Variants in SFMBT1 observed in about 807,000 individuals in gnomAD.
SFMBT1 encodes the protein scm-like with four MBT domains protein 1.
A neutral mutation model predicts 108.7 loss-of-function variants in SFMBT1; 32 were observed. The observed-to-expected ratio is 0.29, with a 90% CI of 0.22 to 0.40. SFMBT1 has a LOEUF of 0.40. Ranked by LOEUF, SFMBT1 falls within the 10% of genes least tolerant of loss-of-function variation. The pLI is 1.00. For missense variants in SFMBT1, 816 were observed against 1,059.6 expected, an observed-to-expected ratio of 0.77 and a Z score of 3.19; for synonymous variants, 348 against 369.5, an observed-to-expected ratio of 0.94 and a Z score of 0.67.
chr3:53,022,749 G>C (rs908677247), intron 1 of SFMBT1, among the ~76,000 whole-genome samples: 3 of 152,108 alleles, frequency 2.0e-5, no homozygotes, highest in African/African-American at 7.2e-5. Context: ...TGGTTACCTG[G>C]AGCGGGGTGG....
chr3:53,008,765 G>C (rs1698838793), intron 1 of SFMBT1, among the ~76,000 whole-genome samples: 1 of 151,058 alleles, frequency 6.6e-6, no homozygotes, highest in African/African-American at 2.5e-5. Flanking sequence ...CTCCCGAGTA[G>C]CTGGGACTAC....
chr3:53,021,244 A>G (rs1210978663), intron 1 of SFMBT1, among the ~76,000 whole-genome samples: 1 of 152,252 alleles, frequency 6.6e-6, no homozygotes, highest in Non-Finnish European at 1.5e-5. Flanking sequence ...AGTAACTAGT[A>G]TGTACCTAAA....
At chr3:53,039,988 G>T (rs1052913002) in intron 1 of SFMBT1, among the ~76,000 whole-genome samples, 1 of 152,084 alleles carries the variant, frequency 6.6e-6, no homozygotes, top group African/African-American at 2.4e-5. Context: ...CTCCAAGAGG[G>T]TTATTTTATG....
chr3:53,022,925 C>T (rs2106945425), intron 1 of SFMBT1, among the ~76,000 whole-genome samples: 1 of 152,282 alleles, frequency 6.6e-6, no homozygotes, highest in African/African-American at 2.4e-5. Flanking sequence ...TTTATGAATG[C>T]ATTTAATACC....
At chr3:52,978,080 T>C (rs1160035637) in intron 1 of SFMBT1, among the ~76,000 whole-genome samples, 2 of 152,200 alleles carry the variant, frequency 1.3e-5, no homozygotes, top group East Asian at 3.9e-4. Flanking sequence ...TATATTTTAG[T>C]GTAAGGAAGA....
chr3:53,034,130 A>ACTT (rs144623389), intron 1 of SFMBT1, among the ~76,000 whole-genome samples: 11,211 of 151,248 alleles, frequency 0.074, 1,153 homozygotes, highest in African/African-American at 0.22. Context: ...ATTATCAGGT[A>ACTT]CTTCTTTTTA....
At chr3:52,974,396 T>C (rs1704445143) in intron 1 of SFMBT1, among the ~76,000 whole-genome samples, 1 of 152,186 alleles carries the variant, frequency 6.6e-6, no homozygotes, top group Non-Finnish European at 1.5e-5. Flanking sequence ...CACCTTATAT[T>C]TCCTGTTCCC....
chr3:52,928,237 A>G lies in SFMBT1; in HGVS notation c.1002T>C (p.Pro334=). 1 of 1,614,070 alleles carries G rather than the reference A, an allele frequency of 6.2e-7. No homozygotes were observed. The highest frequency in any genetic ancestry group is 8.5e-7 in the Non-Finnish European group (1 of 1,179,996). The change falls in exon 9 of 21, where the codon CCT becomes CCC. Residue 334 remains proline, a synonymous_variant. Coordinates refer to ENST00000394752, the MANE Select transcript of SFMBT1 (RefSeq NM_016329.4). ...VCHADSPGIF[P]VQWSLKNGLH... Reference sequence around the variant, plus strand: ...GGCCATTCTTCAGACTCCACTGCACAGGGAAGATGCCAGGACTGTCGGCGT... The same window carrying G: ...GGCCATTCTTCAGACTCCACTGCACGGGGAAGATGCCAGGACTGTCGGCGT...
rs773778376 is a variant in SFMBT1 at position 52,954,375 on chromosome 3, C to A, written c.65G>T (p.Trp22Leu). The A allele has an allele frequency of 2.5e-6, 4 of 1,613,820 alleles. No individual in the cohort carries two copies. In the South Asian group the frequency reaches 4.4e-5, roughly 18 times the overall value. ...CCCTGTTTCTTCTAGATAATCTTCC[C>A]AGCTTAATTCTACCTCTTCCATACC... ...GSGMEEVELS[W>L]EDYLEETGST... Residue 22 changes from tryptophan to leucine, a missense_variant, in exon 3 of 21, where the codon TGG becomes TTG. This residue lies in a region of SFMBT1 where 495 missense variants were observed against 607.4 expected (regional missense o/e 0.81). Transcript: ENST00000394752.
intron 17 of SFMBT1, among the ~76,000 whole-genome samples, chr3:52,909,282 G>A (rs945441569): frequency 1.3e-5 from 2 of 152,172 alleles, no homozygotes; most frequent in Non-Finnish European, 2.9e-5. Flanking sequence ...TCAGAGTAGT[G>A]TGCTTATATA....
At chr3:52,929,332 C>A (rs533015690) in intron 8 of SFMBT1, among the ~76,000 whole-genome samples, 1 of 152,062 alleles carries the variant, frequency 6.6e-6, no homozygotes, top group Non-Finnish European at 1.5e-5. Flanking sequence ...CTCCGCCTCC[C>A]GGGTTCAAGC....
intron 6 of SFMBT1, 113 bp downstream of exon 6, chr3:52,931,949 A>G (rs139486441): frequency 1.6e-6 from 2 of 1,229,180 alleles, no homozygotes; most frequent in East Asian, 5.0e-5. Context: ...TAGCTCTATT[A>G]TGAGAACTAA....
At position 52,999,234 on chromosome 3, in the gene SFMBT1, G is replaced by A. The variant is rs747809416; in HGVS notation, c.-130-29976C>T. ...CTGGCTGCTGGGTCAAGGCGTTCCC[G>A]GGGTGAAGGTGGATAAGCAGACCAC... On this transcript the variant is annotated intron_variant, in intron 1 of 20. Coordinates refer to ENST00000394752, the MANE Select transcript of SFMBT1 (RefSeq NM_016329.4). Among the ~76,000 whole-genome samples the A allele has an allele frequency of 8.6e-5, 13 of 150,752 alleles. 1 individual carries two copies. The highest frequency in any genetic ancestry group is 2.7e-4 in the Admixed American group (4 of 15,048).
Position 52,928,318 on chromosome 3 carries a change from C to G in SFMBT1, c.921G>C (p.Leu307=). ...VVKVFDEKYF[L]VEMDDLRPEN... ...CAGGACGCAAGTCATCCATTTCCAC[C>G]AGAAAGTACTTCTCATCAAAAACCT... The change falls in exon 9 of 21, where the codon CTG becomes CTC. Residue 307 remains leucine, a synonymous_variant. Coordinates refer to ENST00000394752, the MANE Select transcript of SFMBT1 (RefSeq NM_016329.4). The G allele has an allele frequency of 6.2e-7, 1 of 1,613,904 alleles. No individual in the cohort carries two copies. Among genetic ancestry groups the G allele is most frequent in the Non-Finnish European group, 8.5e-7 (1 of 1,179,998 alleles).
rs1317718881 is a variant in SFMBT1 at position 52,918,529 on chromosome 3, G to A, written c.1373-3C>T. 1.3e-6 allele frequency: 2 copies of A among 1,521,532 alleles called. No homozygotes were observed. The highest frequency in any genetic ancestry group is 1.8e-6 in the Non-Finnish European group (2 of 1,136,634). 94.3% of individuals were successfully genotyped at this position (1,521,532 alleles called of 1,614,324 possible). ...TGCAATTTTCCTCTGTTTATATACT[G>A]TAGAAAGAAAAAAATATATAAATGC... On this transcript the variant is annotated splice_region_variant and splice_polypyrimidine_tract_variant and intron_variant, in intron 12 of 20. Coordinates refer to ENST00000394752, the MANE Select transcript of SFMBT1 (RefSeq NM_016329.4).
chr3:53,001,468 C>T (rs1698545189), intron 1 of SFMBT1, among the ~76,000 whole-genome samples: 1 of 149,974 alleles, frequency 6.7e-6, no homozygotes, highest in Admixed American at 6.8e-5. Context: ...ATTATTCTTA[C>T]ATCCTCAGGT....
chr3:52,988,402 T>C (rs1705004251), intron 1 of SFMBT1, among the ~76,000 whole-genome samples: 1 of 152,142 alleles, frequency 6.6e-6, no homozygotes, highest in Admixed American at 6.5e-5. Context: ...CAGGCAACCA[T>C]ACAGGTCAGT....
At chr3:52,948,825 A>ATTTTTTTTTTTTTTTT (rs71615878) in intron 3 of SFMBT1, among the ~76,000 whole-genome samples, 1,030 of 78,270 alleles carry the variant, frequency 0.013, 84 homozygotes, top group Non-Finnish European at 0.019. Context: ...CTAATTTTTA[A>ATTTTTTTTTTTTTTTT]TTTTTTTTTT....
rs541647513 is a variant in SFMBT1 at position 52,950,920 on chromosome 3, C to T, written c.123+3397G>A. On this transcript the variant is annotated intron_variant, in intron 3 of 20. Transcript: ENST00000394752. Reference sequence around the variant, plus strand: ...CTTGAGGCAAGGAGTTCAAAACCAGCCTGGGCAACATAGCAAGACCCATCT... The same window carrying T: ...CTTGAGGCAAGGAGTTCAAAACCAGTCTGGGCAACATAGCAAGACCCATCT... 3.3e-5 allele frequency among the ~76,000 whole-genome samples: 5 copies of T among 151,838 alleles called. No homozygotes were observed. The South Asian group carries it at 1.0e-3, about 32-fold the overall frequency.
Sources: allele counts gnomAD v4.1 joint callset (sites outside exome capture counted in the v4.1 genomes callset), GRCh38; gene constraint gnomAD v4.1.1; regional missense constraint gnomAD v4.1.1; transcripts MANE v1.5; gene names NCBI Gene and HGNC (gene_info 2026-07-23, HGNC 2026-07-21).